Variants in ZFYVE9 observed in about 807,000 individuals in gnomAD.
ZFYVE9 encodes the protein zinc finger FYVE-type containing 9.
A neutral mutation model predicts 126.7 loss-of-function variants in ZFYVE9; 43 were observed. The ratio of observed to expected loss-of-function variants is 0.34; its 90% CI spans 0.27 to 0.44. ZFYVE9 has a LOEUF of 0.44. ZFYVE9 is among the 20% of genes least tolerant of loss of function. The probability of loss-of-function intolerance (pLI) is 1.00; values close to 1 mark genes in which losing one functional copy is unlikely to be tolerated. For missense variants in ZFYVE9, 1,476 were observed against 1,697.0 expected (o/e 0.87, Z 2.29); for synonymous variants, 521 against 597.4 (o/e 0.87, Z 1.87).
At chr1:52,145,994 C>T (rs1362464482) in intron 1 of ZFYVE9, among the ~76,000 whole-genome samples, 1 of 150,758 alleles carries the variant, frequency 6.6e-6, no homozygotes, top group African/African-American at 2.4e-5. Context: ...ATCTCTGTAT[C>T]TGTGGGTCCT....
Position 52,237,756 on chromosome 1 carries a change from C to G in ZFYVE9, c.339C>G (p.Asp113Glu), listed in dbSNP as rs568793881. 10 of 1,614,042 alleles carry G rather than the reference C, an allele frequency of 6.2e-6. No homozygotes were observed. The South Asian group carries it at 1.1e-4, about 18-fold the overall frequency. ...TTGATGAAAATGCTGTTGCAGAAGA[C>G]CAGTTAATTAAGAGAAACTATAGTT... ...MWIDENAVAE[D>E]QLIKRNYSWD... is the part of the protein sequence containing the mutation. The change falls in exon 4 of 19, where the codon GAC (aspartate) becomes GAG (glutamate). Residue 113 changes from aspartate to glutamate, a missense_variant. Physicochemically the swap from Asp to Glu is conservative, Grantham distance 45. Around this residue, in one of 2 missense-constraint regions of ZFYVE9, gnomAD observed 807 missense variants for 794.6 expected, o/e 1.02. Transcript: ENST00000287727.
chr1:52,283,979 C>T (rs888145294), intron 10 of ZFYVE9, among the ~76,000 whole-genome samples: 9 of 151,954 alleles, frequency 5.9e-5, no homozygotes, highest in African/African-American at 1.7e-4. Flanking sequence ...TGGAGAGATA[C>T]GAAAGATGTG....
At chr1:52,179,765 G>A (rs1644679905) in intron 1 of ZFYVE9, 1 of 441,460 alleles carries the variant, frequency 2.3e-6, no homozygotes, top group Non-Finnish European at 4.2e-6. Flanking sequence ...TTAAAAAAGA[G>A]TGTTCCTGTG....
At chr1:52,219,749 TTG>T (rs56340178) in intron 2 of ZFYVE9, among the ~76,000 whole-genome samples, 24,557 of 112,812 alleles carry the variant, frequency 0.22, 2,274 homozygotes, top group Non-Finnish European at 0.24. Context: ...CCAAGATCTT[TTG>T]TGTGTGTGTG....
At chr1:52,278,643 T>A in intron 9 of ZFYVE9, 29 bp downstream of exon 9, 1 of 1,434,122 alleles carries the variant, frequency 7.0e-7, no homozygotes, top group Non-Finnish European at 9.5e-7. Flanking sequence ...AAAATTAAAA[T>A]CAGATGTTTT....
In ZFYVE9 at chr1:52,249,499, CTGT is replaced by C. The variant is rs542064174; in HGVS notation, c.2178+9910_2178+9912del. Among the ~76,000 whole-genome samples, 103 of 152,176 alleles carry C rather than the reference CTGT, an allele frequency of 6.8e-4. 1 individual carries two copies. The highest frequency in any genetic ancestry group is 6.0e-3 in the Admixed American group (91 of 15,286). On this transcript the variant is annotated intron_variant, in intron 4 of 18. Transcript: ENST00000287727. ...CCATTTTTAAATTGGGTTGTGTTTTCTGTTGTTGAGTTTTAGAGCTCTTTATAT... is the reference window on the plus strand; with the variant it reads ...CCATTTTTAAATTGGGTTGTGTTTTCTGTTGAGTTTTAGAGCTCTTTATAT...
chr1:52,218,517 T>G (rs1645093501), intron 2 of ZFYVE9, among the ~76,000 whole-genome samples: 1 of 152,110 alleles, frequency 6.6e-6, no homozygotes, highest in Non-Finnish European at 1.5e-5. Context: ...CCCCAGGCTG[T>G]GGGGTGCTGG....
intron 10 of ZFYVE9, among the ~76,000 whole-genome samples, chr1:52,292,894 C>G (rs1465962348): frequency 2.6e-5 from 4 of 152,120 alleles, no homozygotes; most frequent in Non-Finnish European, 4.4e-5. Context: ...AGACAAACTT[C>G]AACAATGTGA....
At chr1:52,204,811 A>G (rs1392218673) in intron 1 of ZFYVE9, among the ~76,000 whole-genome samples, 1 of 152,134 alleles carries the variant, frequency 6.6e-6, no homozygotes, top group Non-Finnish European at 1.5e-5. Context: ...CAGAAGAATG[A>G]GGGGATTTCC....
At chr1:52,151,590 A>C (rs981459421) in intron 1 of ZFYVE9, among the ~76,000 whole-genome samples, 1 of 149,778 alleles carries the variant, frequency 6.7e-6, no homozygotes, top group African/African-American at 2.5e-5. Context: ...GTCTCGGCTC[A>C]CTGCAACCTC....
chr1:52,280,299 G>C (rs1645789982), intron 9 of ZFYVE9, among the ~76,000 whole-genome samples: 1 of 151,126 alleles, frequency 6.6e-6, no homozygotes, highest in Non-Finnish European at 1.5e-5. Context: ...AGGAGTTCTT[G>C]AGCCCAGGAG....
In ZFYVE9 at chr1:52,239,145, T is replaced by C; in HGVS notation, c.1728T>C (p.Phe576=). 6.2e-7 allele frequency: 1 copy of C among 1,614,098 alleles called. No individual in the cohort carries two copies. The highest frequency in any genetic ancestry group is 8.5e-7 in the Non-Finnish European group (1 of 1,180,000). ...GCCTGCCATCTATCAGTGTTCCTTT[T>C]GGTGGTGCAAGACCCAAGCAACCTT... is the stretch of plus-strand genomic sequence containing the variant. The part of the protein sequence containing the change: ...VASLPSISVP[F]GGARPKQPSN... The change falls in exon 4 of 19, where the codon TTT becomes TTC. Residue 576 remains phenylalanine (F), a synonymous_variant. Coordinates refer to ENST00000287727, the MANE Select transcript of ZFYVE9 (RefSeq NM_004799.4).
chr1:52,194,215 A>AG (rs1304332808), intron 1 of ZFYVE9, among the ~76,000 whole-genome samples: 2 of 152,242 alleles, frequency 1.3e-5, no homozygotes, highest in African/African-American at 4.8e-5. Flanking sequence ...AGATGATGAA[A>AG]GAGCGAAGCA....
At chr1:52,257,267 T>G (rs1021582861) in intron 4 of ZFYVE9, among the ~76,000 whole-genome samples, 4 of 152,206 alleles carry the variant, frequency 2.6e-5, no homozygotes, top group Non-Finnish European at 4.4e-5. Flanking sequence ...TCATTTAATC[T>G]TCATAAAAGC....
intron 1 of ZFYVE9, among the ~76,000 whole-genome samples, chr1:52,151,095 G>T (rs1644352688): frequency 6.6e-6 from 1 of 151,690 alleles, no homozygotes; most frequent in Admixed American, 6.6e-5. Context: ...GCAAGGTTGA[G>T]ATTCTTTAAC....
At chr1:52,150,119 A>G (rs1345283302) in intron 1 of ZFYVE9, 1 of 152,188 alleles carries the variant, frequency 6.6e-6, no homozygotes, top group African/African-American at 2.4e-5. Flanking sequence ...GTGTGGTGGC[A>G]TGTGCGTCTA....
intron 9 of ZFYVE9, 38 bp from the exon 10 acceptor site, chr1:52,281,623 G>A (rs1027674046): frequency 8.7e-6 from 14 of 1,607,634 alleles, no homozygotes; most frequent in South Asian, 2.2e-5. Flanking sequence ...AGGATTGATA[G>A]GAATGTCTTT....
intron 2 of ZFYVE9, among the ~76,000 whole-genome samples, chr1:52,222,216 T>C (rs1447390224): frequency 6.6e-6 from 1 of 152,226 alleles, no homozygotes; most frequent in Non-Finnish European, 1.5e-5. Flanking sequence ...AGAAGGCATA[T>C]GGATGAAGGC....
intron 7 of ZFYVE9, among the ~76,000 whole-genome samples, chr1:52,271,523 A>G (rs1645692549): frequency 6.6e-6 from 1 of 152,164 alleles, no homozygotes; most frequent in Non-Finnish European, 1.5e-5. Context: ...TGCTGCACCC[A>G]TCAACCCGTC....
Sources: allele counts gnomAD v4.1 joint callset (sites outside exome capture counted in the v4.1 genomes callset), GRCh38; gene constraint gnomAD v4.1.1; regional missense constraint gnomAD v4.1.1; transcripts MANE v1.5; gene names NCBI Gene and HGNC (gene_info 2026-07-23, HGNC 2026-07-21).